CNTNAP2: variants seen among roughly 807,000 people sequenced by gnomAD.
CNTNAP2 encodes contactin associated protein 2, also known as contactin-associated protein-like 2.
A neutral mutation model predicts 155.2 loss-of-function variants in CNTNAP2; 98 were observed. That is an observed-to-expected ratio of 0.63 (90% CI 0.54 to 0.75). The LOEUF is 0.75. CNTNAP2 is among the 30% of genes least tolerant of loss of function. CNTNAP2 has a pLI of 0.00. For missense variants in CNTNAP2, 1,727 were observed against 1,688.1 expected, an observed-to-expected ratio of 1.02 and a Z score of -0.40; for synonymous variants, 651 against 631.2, an observed-to-expected ratio of 1.03 and a Z score of -0.47.
chr7:146,163,246 T>G (rs1413603403), intron 1 of CNTNAP2, among the ~76,000 whole-genome samples: 2 of 151,828 alleles, frequency 1.3e-5, no homozygotes, highest in Non-Finnish European at 2.9e-5. Flanking sequence ...TTTTCTTTGT[T>G]ACATTCTTCA....
intron 13 of CNTNAP2, among the ~76,000 whole-genome samples, chr7:147,748,841 A>AG: frequency 6.6e-6 from 1 of 152,230 alleles, no homozygotes; most frequent in African/African-American, 2.4e-5. Flanking sequence ...TACTAGAATT[A>AG]GGGGGAATAG....
At chr7:147,020,612 G>A (rs375604984) in intron 3 of CNTNAP2, among the ~76,000 whole-genome samples, 12 of 152,124 alleles carry the variant, frequency 7.9e-5, no homozygotes, top group Admixed American at 3.9e-4. Context: ...TATACACTCC[G>A]TAAGGCCCAG....
At chr7:147,986,356 G>A (rs1801617834) in intron 15 of CNTNAP2, among the ~76,000 whole-genome samples, 1 of 152,188 alleles carries the variant, frequency 6.6e-6, no homozygotes, top group Non-Finnish European at 1.5e-5. Context: ...GGTAACGTTT[G>A]ATCATTCCCA....
chr7:146,708,369 A>C (rs1027378080), intron 1 of CNTNAP2, among the ~76,000 whole-genome samples: 12 of 151,834 alleles, frequency 7.9e-5, no homozygotes, highest in Non-Finnish European at 1.3e-4. Flanking sequence ...ACTTGTTAGA[A>C]ATTTCTTTCT....
At chr7:147,043,340 T>C (rs1207313578) in intron 3 of CNTNAP2, among the ~76,000 whole-genome samples, 2 of 152,212 alleles carry the variant, frequency 1.3e-5, no homozygotes, top group Non-Finnish European at 2.9e-5. Context: ...AATTATTCTT[T>C]TGACAGAATC....
chr7:148,101,402 C>T (rs1804097489), intron 15 of CNTNAP2, among the ~76,000 whole-genome samples: 1 of 146,008 alleles, frequency 6.8e-6, no homozygotes, highest in African/African-American at 2.6e-5. Flanking sequence ...TGGTGTTCTA[C>T]TTGAGGTAGA....
chr7:147,395,536 G>A, intron 9 of CNTNAP2, 73 bp from the exon 10 acceptor site: 1 of 1,453,208 alleles, frequency 6.9e-7, no homozygotes, highest in Non-Finnish European at 9.6e-7. Context: ...TGGCCAGGTA[G>A]AATACCCACA....
intron 21 of CNTNAP2, among the ~76,000 whole-genome samples, chr7:148,308,846 G>T (rs948227602): frequency 1.3e-5 from 2 of 151,918 alleles, no homozygotes; most frequent in African/African-American, 2.4e-5. Context: ...CTGTTCTTGG[G>T]TTAGTTTGCT....
At chr7:146,126,452 C>G (rs192143184) in intron 1 of CNTNAP2, among the ~76,000 whole-genome samples, 1 of 152,082 alleles carries the variant, frequency 6.6e-6, no homozygotes, top group Non-Finnish European at 1.5e-5. Flanking sequence ...CATTTTTGTT[C>G]TTCTTCACAA....
At chr7:147,913,999 A>G (rs1403753312) in intron 14 of CNTNAP2, among the ~76,000 whole-genome samples, 2 of 152,082 alleles carry the variant, frequency 1.3e-5, no homozygotes, top group Non-Finnish European at 1.5e-5. Flanking sequence ...TATGGCATGT[A>G]CCATCTTAAA....
intron 15 of CNTNAP2, among the ~76,000 whole-genome samples, chr7:148,029,769 C>T (rs1192083494): frequency 6.6e-6 from 1 of 152,126 alleles, no homozygotes; most frequent in African/African-American, 2.4e-5. Context: ...GGTCTTAGTG[C>T]TTAGCTCTGT....
chr7:147,487,367 AAG>A (rs1798528361), intron 11 of CNTNAP2, among the ~76,000 whole-genome samples: 1 of 152,198 alleles, frequency 6.6e-6, no homozygotes, highest in African/African-American at 2.4e-5. Flanking sequence ...AATTAATTCA[AAG>A]AGTTATAACT....
intron 12 of CNTNAP2, among the ~76,000 whole-genome samples, chr7:147,603,672 A>T (rs1304221696): frequency 6.6e-6 from 1 of 152,200 alleles, no homozygotes; most frequent in African/African-American, 2.4e-5. Context: ...ATTCAATGCC[A>T]TCCCCATCAA....
At chr7:146,851,661 TGTGTGTGTGTGTGTGTGTGTG>T (rs1794881408) in intron 3 of CNTNAP2, among the ~76,000 whole-genome samples, 1 of 66,842 alleles carries the variant, frequency 1.5e-5, no homozygotes, top group African/African-American at 5.3e-5. Context: ...TGTGTGTGTG[TGTGTGTGTGTGTGTGTGTGTG>T]TGTGTGTGTG....
At chr7:147,316,839 C>A (rs527872707) in intron 9 of CNTNAP2, among the ~76,000 whole-genome samples, 1 of 152,106 alleles carries the variant, frequency 6.6e-6, no homozygotes, top group South Asian at 2.1e-4. Flanking sequence ...TGCAGCCACC[C>A]AAAGTCGTGA....
chr7:146,765,266 T>C (rs1802174963), intron 1 of CNTNAP2, among the ~76,000 whole-genome samples: 1 of 152,182 alleles, frequency 6.6e-6, no homozygotes, highest in South Asian at 2.1e-4. Flanking sequence ...GGTTCCAAAT[T>C]ACAAGTCATT....
At chr7:147,845,433 G>T (rs1388261207) in intron 13 of CNTNAP2, among the ~76,000 whole-genome samples, 1 of 41,602 alleles carries the variant, frequency 2.4e-5, no homozygotes, top group Non-Finnish European at 4.5e-5. Flanking sequence ...TGTGGGATCG[G>T]TGGTGATATC....
chr7:147,423,532 C>A (rs1797331637), intron 10 of CNTNAP2, among the ~76,000 whole-genome samples: 1 of 151,978 alleles, frequency 6.6e-6, no homozygotes. Flanking sequence ...ATGTATAGAC[C>A]CTTGGCCCAT....
intron 8 of CNTNAP2, among the ~76,000 whole-genome samples, chr7:147,270,560 T>G (rs1804720303): frequency 6.6e-6 from 1 of 152,226 alleles, no homozygotes; most frequent in African/African-American, 2.4e-5. Context: ...CAATGACTCT[T>G]AGCCCTGGCT....
Sources: gnomAD v4.1 joint callset for allele counts (sites outside exome capture counted in the v4.1 genomes callset) on GRCh38, gnomAD v4.1.1 for gene constraint, MANE v1.5 for transcripts, NCBI Gene and HGNC (gene_info 2026-07-23, HGNC 2026-07-21) for gene names.